Variants in PTPRN2 observed in about 807,000 individuals in gnomAD.
PTPRN2 encodes protein tyrosine phosphatase receptor type N2, also known as receptor-type tyrosine-protein phosphatase N2.
PTPRN2 carries 74 observed loss-of-function variants against 118.8 expected under a neutral mutation model. The ratio of observed to expected loss-of-function variants is 0.62; its 90% CI spans 0.52 to 0.76. The LOEUF (loss-of-function observed/expected upper bound fraction) is 0.76. Ranked by LOEUF, PTPRN2 falls within the 30% of genes least tolerant of loss-of-function variation. The pLI is 0.00. For missense variants in PTPRN2, 1,481 were observed against 1,394.4 expected (o/e 1.06, Z -0.99); for synonymous variants, 641 against 608.0 (o/e 1.05, Z -0.80).
intron 12 of PTPRN2, among the ~76,000 whole-genome samples, chr7:157,886,331 TA>T (rs1563208342): frequency 6.6e-6 from 1 of 152,074 alleles, no homozygotes; most frequent in Non-Finnish European, 1.5e-5. Flanking sequence ...CATATTTTTA[TA>T]AAAATGCAGC....
At position 158,544,173 on chromosome 7, in the gene PTPRN2, G is replaced by A. The variant is rs1198578199; in HGVS notation, c.112+43385C>T. Among the ~76,000 whole-genome samples, 3 of 152,130 alleles carry A rather than the reference G, an allele frequency of 2.0e-5. No individual in the cohort carries two copies. The highest frequency in any genetic ancestry group is 4.8e-5 in the African/African-American group (2 of 41,426). ...AGTCCACACTCTGCCCGCATGATCTGCCTCTCCCCAAAACAGACTATCATT... is the reference window on the plus strand; with the variant it reads ...AGTCCACACTCTGCCCGCATGATCTACCTCTCCCCAAAACAGACTATCATT... On this transcript the variant is annotated intron_variant, in intron 1 of 22. Transcript: ENST00000389418. This position sits in a 1 kb window ranked among gnomAD's most constrained non-coding sequence, Gnocchi z 4.2.
At chr7:158,519,050 G>T (rs1164992991) in intron 1 of PTPRN2, among the ~76,000 whole-genome samples, 1 of 152,160 alleles carries the variant, frequency 6.6e-6, no homozygotes, top group Admixed American at 6.5e-5. Flanking sequence ...GCAGCAGTTT[G>T]CACTGAGCTC....
At position 157,876,784 on chromosome 7, in the gene PTPRN2, C is replaced by T. The variant is rs149611803; in HGVS notation, c.1788+21889G>A. Among the ~76,000 whole-genome samples, 626 of 152,298 alleles carry T rather than the reference C, an allele frequency of 4.1e-3. 6 individuals are homozygous for T. Among genetic ancestry groups the T allele is most frequent in the African/African-American group, 0.014 (588 of 41,576 alleles). The stretch of plus-strand genomic sequence containing the variant: ...CGGAGAACTTTCTAAGAGGGAAGGT[C>T]GGGGCAGCTGCTGTGTGGGTGCCAG... On this transcript the variant is annotated intron_variant, in intron 12 of 22. Coordinates refer to ENST00000389418, the MANE Select transcript of PTPRN2 (RefSeq NM_002847.5).
intron 2 of PTPRN2, among the ~76,000 whole-genome samples, chr7:158,433,159 G>A (rs907695096): frequency 2.0e-5 from 3 of 152,178 alleles, no homozygotes; most frequent in Admixed American, 1.3e-4. Flanking sequence ...GTATTTAATT[G>A]CATGGAACAT....
At chr7:158,210,416 C>T (rs887585682) in intron 3 of PTPRN2, among the ~76,000 whole-genome samples, 2 of 151,830 alleles carry the variant, frequency 1.3e-5, no homozygotes, top group African/African-American at 4.8e-5. Flanking sequence ...TCTTAAAGAA[C>T]TAGAAAAGCA....
rs1806389760 is a variant in PTPRN2 at position 158,015,555 on chromosome 7, C to T, written c.1723+65743G>A. Among the ~76,000 whole-genome samples the T allele has an allele frequency of 6.6e-6, 1 of 151,988 alleles. No individual in the cohort carries two copies. The highest frequency in any genetic ancestry group is 2.4e-5 in the African/African-American group (1 of 41,358). ...GGTCCTCACCGCCCCCGCCCCTCAC[C>T]CCTGTATGTGCATCTGGAATCCACT... On this transcript the variant is annotated intron_variant, in intron 11 of 22. Coordinates refer to ENST00000389418, the MANE Select transcript of PTPRN2 (RefSeq NM_002847.5). This position sits in a 1 kb window ranked among gnomAD's most constrained non-coding sequence, Gnocchi z 4.2.
At chr7:157,725,926 G>A (rs1217149340) in intron 12 of PTPRN2, among the ~76,000 whole-genome samples, 1 of 87,226 alleles carries the variant, frequency 1.1e-5, no homozygotes, top group African/African-American at 4.8e-5. Flanking sequence ...ACGCAGAGGA[G>A]TGAGCCAGAC....
At position 157,780,697 on chromosome 7, in the gene PTPRN2, C is replaced by G. The variant is rs948168318; in HGVS notation, c.1789-97760G>C. 4.6e-5 allele frequency among the ~76,000 whole-genome samples: 7 copies of G among 152,148 alleles called. No homozygotes were observed. Among genetic ancestry groups the G allele is most frequent in the African/African-American group, 1.7e-4 (7 of 41,414 alleles). On this transcript the variant is annotated intron_variant, in intron 12 of 22. Transcript: ENST00000389418. This position sits in a 1 kb window ranked among gnomAD's most constrained non-coding sequence, Gnocchi z 4.5. ...TTCGCAGGGTGGTCACGGGTATTCCCTATGTTGGAATGCATGATGGGGCCA... is the reference window on the plus strand; with the variant it reads ...TTCGCAGGGTGGTCACGGGTATTCCGTATGTTGGAATGCATGATGGGGCCA...
chr7:157,748,111 T>G (rs1422988273), intron 12 of PTPRN2, among the ~76,000 whole-genome samples: 9 of 150,234 alleles, frequency 6.0e-5, no homozygotes, highest in Non-Finnish European at 1.3e-4. Flanking sequence ...GAGGCCTGCG[T>G]CCCTGAGCTG....
intron 2 of PTPRN2, among the ~76,000 whole-genome samples, chr7:158,410,312 G>A (rs1813940454): frequency 6.6e-6 from 1 of 152,220 alleles, no homozygotes; most frequent in Admixed American, 6.5e-5. Context: ...CCCGAAGGCA[G>A]GAGATGTGGG....
chr7:157,701,685 C>T (rs1208717095), intron 12 of PTPRN2, among the ~76,000 whole-genome samples: 2 of 152,210 alleles, frequency 1.3e-5, no homozygotes, highest in South Asian at 2.1e-4. Flanking sequence ...CAAAGCACTG[C>T]GGTTCTAGGT....
At chr7:157,633,578 G>C (rs2150675411) in intron 14 of PTPRN2, among the ~76,000 whole-genome samples, 1 of 152,340 alleles carries the variant, frequency 6.6e-6, no homozygotes, top group South Asian at 2.1e-4. Context: ...GTGGGGACGG[G>C]GTGCACCTGG....
chr7:157,683,366 C>G (rs1797005283), intron 12 of PTPRN2, among the ~76,000 whole-genome samples: 2 of 152,162 alleles, frequency 1.3e-5, no homozygotes, highest in African/African-American at 4.8e-5. Context: ...AGGCCCGGAG[C>G]CTTCTGCAGC....
intron 3 of PTPRN2, among the ~76,000 whole-genome samples, chr7:158,236,145 GC>G (rs1829523118): frequency 6.6e-6 from 1 of 152,188 alleles, no homozygotes; most frequent in African/African-American, 2.4e-5. Context: ...CATCGTCCTT[GC>G]CATTGCTGGC....
rs1418102489 is a variant in PTPRN2 at position 157,615,506 on chromosome 7, G to A, written c.2344+5856C>T. 2.1e-6 allele frequency: 1 copy of A among 471,216 alleles called. No individual in the cohort carries two copies. The highest frequency in any genetic ancestry group is 4.4e-6 in the Non-Finnish European group (1 of 227,064). The allele number at this position is 471,216 out of a possible 1,614,324, so 29.2% of individuals were successfully genotyped here. A position where few individuals can be genotyped will look rare whatever the true frequency, so the allele number is the denominator to read the frequency against. ...CCTTTGCCAATATGCTCGGGACCTG[G>A]GGACGGCTGGGGTGACCCCATCGCA... On this transcript the variant is annotated intron_variant, in intron 15 of 22. Transcript: ENST00000389418. The surrounding 1 kb of genome is among the most constrained non-coding windows in gnomAD (Gnocchi z 4.3).
chr7:157,563,752 A>C (rs1477841658), intron 21 of PTPRN2, among the ~76,000 whole-genome samples: 1 of 145,672 alleles, frequency 6.9e-6, no homozygotes, highest in Admixed American at 6.8e-5. Flanking sequence ...CCACATCACC[A>C]CACACAGCAG....
At chr7:158,095,518 A>G (rs1164265155) in intron 10 of PTPRN2, among the ~76,000 whole-genome samples, 1 of 152,166 alleles carries the variant, frequency 6.6e-6, no homozygotes, top group African/African-American at 2.4e-5. Context: ...CACTGAGGCC[A>G]GGTGGCTTCA....
chr7:158,194,810 G>A (rs542562796), intron 4 of PTPRN2, among the ~76,000 whole-genome samples: 6 of 152,334 alleles, frequency 3.9e-5, no homozygotes, highest in Admixed American at 1.3e-4. Context: ...TAACTGTCAC[G>A]TTTAACTGAC....
chr7:158,576,469 C>T (rs1186379111), intron 1 of PTPRN2, among the ~76,000 whole-genome samples: 1 of 152,236 alleles, frequency 6.6e-6, no homozygotes, highest in East Asian at 1.9e-4. Flanking sequence ...GGCCCACAGC[C>T]TGCACCACCA....
Sources: gnomAD v4.1 joint callset for allele counts (sites outside exome capture counted in the v4.1 genomes callset) on GRCh38, gnomAD v4.1.1 for gene constraint, Gnocchi (gnomAD v3.1) non-coding constraint, MANE v1.5 for transcripts, NCBI Gene and HGNC (gene_info 2026-07-23, HGNC 2026-07-21) for gene names.